KLHL14: variants seen among roughly 807,000 people sequenced by gnomAD.
The protein encoded by KLHL14 is kelch like family member 14, also known as kelch-like protein 14.
Under a neutral mutation model 64.3 loss-of-function variants are expected in KLHL14, and 22 were observed. The observed-to-expected ratio is 0.34, with a 90% CI of 0.24 to 0.49. The LOEUF (loss-of-function observed/expected upper bound fraction) is 0.49. Among genes scored for constraint, KLHL14 ranks in the 20% least tolerant of loss-of-function variants. The pLI, the probability that KLHL14 is intolerant of heterozygous loss-of-function variation, is 0.99. For synonymous variants in KLHL14, 322 were observed against 333.4 expected, an observed-to-expected ratio of 0.97 and a Z score of 0.37; for missense variants, 661 against 789.0, an observed-to-expected ratio of 0.84 and a Z score of 1.94.
intron 5 of KLHL14, among the ~76,000 whole-genome samples, chr18:32,684,160 TC>T (rs1176466526): frequency 6.6e-6 from 1 of 152,218 alleles, no homozygotes. Flanking sequence ...ATTTTTCCTC[TC>T]TTTACTGAAG....
At chr18:32,761,876 A>G (rs975117328) in intron 2 of KLHL14, among the ~76,000 whole-genome samples, 2 of 152,174 alleles carry the variant, frequency 1.3e-5, no homozygotes, top group African/African-American at 4.8e-5. Flanking sequence ...TTCCACTATC[A>G]GTGTGACACA....
In KLHL14 at chr18:32,770,862, C is replaced by G. The variant is rs1207896674; in HGVS notation, c.-43-228G>C. 2.1e-6 allele frequency: 1 copy of G among 469,520 alleles called. No individual in the cohort carries two copies. Among genetic ancestry groups the G allele is most frequent in the East Asian group, 3.6e-5 (1 of 27,522 alleles). 29.1% of individuals were successfully genotyped at this position (469,520 alleles called of 1,614,324 possible). ...AGGGCCCTGTCTGGGGTCCCGGCGC[C>G]GGTTCTGCGCCCTGCGGCTCCTCTC... On this transcript the variant is annotated intron_variant, in intron 1 of 8. Transcript: ENST00000359358. The surrounding 1 kb of genome is among the most constrained non-coding windows in gnomAD (Gnocchi z 6.7).
At position 32,686,487 on chromosome 18, in the gene KLHL14, C is replaced by T. The variant is rs572197377; in HGVS notation, c.1238+668G>A. On this transcript the variant is annotated intron_variant, in intron 5 of 8. Transcript: ENST00000359358. ...GACAAAATATATGTAAATATAGTAG[C>T]CATCTTGTCCTTTGGTAGCCAGGAG... Among the ~76,000 whole-genome samples, 24 of 152,126 alleles carry T rather than the reference C, an allele frequency of 1.6e-4. 1 individual carries two copies. The South Asian group carries it at 4.8e-3, about 30-fold the overall frequency.
intron 3 of KLHL14, among the ~76,000 whole-genome samples, chr18:32,716,048 C>T (rs1189050693): frequency 1.3e-5 from 2 of 152,120 alleles, no homozygotes; most frequent in Non-Finnish European, 2.9e-5. Flanking sequence ...TGTTCTCATT[C>T]TTTGAATTAC....
At position 32,680,695 on chromosome 18, in the gene KLHL14, G is replaced by T; in HGVS notation, c.1239-96C>A. The T allele has an allele frequency of 8.4e-7, 1 of 1,195,866 alleles. No individual in the cohort carries two copies. The highest frequency in any genetic ancestry group is 1.2e-6 in the Non-Finnish European group (1 of 864,576). The allele number at this position is 1,195,866 out of a possible 1,614,324, so 74.1% of individuals were successfully genotyped here. A position where few individuals can be genotyped will look rare whatever the true frequency, so the allele number is the denominator to read the frequency against. ...CACCACACAGCTAGTCAGGGAAAGG[G>T]GTGCATTCTGCTTCAGAAAGGGTTG... On this transcript the variant is annotated intron_variant, in intron 5 of 8. Coordinates refer to ENST00000359358, the MANE Select transcript of KLHL14 (RefSeq NM_020805.3). The surrounding 1 kb of genome is among the most constrained non-coding windows in gnomAD (Gnocchi z 4.8).
chr18:32,743,271 A>G (rs2050208273), intron 2 of KLHL14: 2 of 152,262 alleles, frequency 1.3e-5, no homozygotes, highest in South Asian at 4.1e-4. Context: ...GTGGCTCTGA[A>G]TCTATGATTA....
chr18:32,745,571 C>G (rs915415644), intron 2 of KLHL14: 10 of 152,074 alleles, frequency 6.6e-5, no homozygotes, highest in Non-Finnish European at 1.2e-4. Context: ...ATAAAGAAAC[C>G]TAATAGAGAT....
rs374486498 is a variant in KLHL14 at position 32,725,623 on chromosome 18, G to A, written c.1069+16305C>T. Reference sequence around the variant, plus strand: ...TGATTCAGTATTGTCCAGTGTCTGCGGAATGTGTCCTGTGAGCTAGGCATG... The same window carrying A: ...TGATTCAGTATTGTCCAGTGTCTGCAGAATGTGTCCTGTGAGCTAGGCATG... On this transcript the variant is annotated intron_variant, in intron 3 of 8. Transcript: ENST00000359358. Among the ~76,000 whole-genome samples the A allele has an allele frequency of 9.2e-5, 14 of 152,310 alleles. No individual in the cohort carries two copies. The East Asian group carries it at 9.6e-4, about 10-fold the overall frequency.
chr18:32,753,559 T>A (rs1335595118), intron 2 of KLHL14, among the ~76,000 whole-genome samples: 4 of 152,228 alleles, frequency 2.6e-5, no homozygotes, highest in Non-Finnish European at 4.4e-5. Flanking sequence ...TGGCTGGTGA[T>A]GGCAGGGGCA....
intron 3 of KLHL14, among the ~76,000 whole-genome samples, chr18:32,719,907 C>T (rs998074275): frequency 6.6e-6 from 1 of 152,168 alleles, no homozygotes; most frequent in Non-Finnish European, 1.5e-5. Context: ...GCAGCCTGTA[C>T]CTACTTCAAT....
chr18:32,684,245 T>C (rs1404913065), intron 5 of KLHL14, among the ~76,000 whole-genome samples: 1 of 152,242 alleles, frequency 6.6e-6, no homozygotes, highest in Non-Finnish European at 1.5e-5. Flanking sequence ...TCTGTTCATT[T>C]CTGTCAGTAA....
At chr18:32,674,934 A>T (rs889327604) in intron 8 of KLHL14, 137 bp from the exon 9 acceptor site, 2 of 573,014 alleles carry the variant, frequency 3.5e-6, no homozygotes, top group Non-Finnish European at 6.3e-6. Flanking sequence ...AAATGAAAGC[A>T]ATGGATTTTA....
chr18:32,765,234 A>C (rs536693799), intron 2 of KLHL14, among the ~76,000 whole-genome samples: 13 of 152,360 alleles, frequency 8.5e-5, no homozygotes, highest in African/African-American at 3.1e-4. Flanking sequence ...GTTGTAAATA[A>C]GGTAACACAT....
intron 2 of KLHL14, among the ~76,000 whole-genome samples, chr18:32,748,394 G>T (rs1478087141): frequency 6.7e-6 from 1 of 150,022 alleles, no homozygotes; most frequent in African/African-American, 2.5e-5. Flanking sequence ...TTTTGAGATG[G>T]AGTATCGCTC....
intron 3 of KLHL14, among the ~76,000 whole-genome samples, chr18:32,729,719 C>T (rs1253302520): frequency 6.6e-6 from 1 of 152,086 alleles, no homozygotes; most frequent in East Asian, 1.9e-4. Context: ...TTAGGATCCA[C>T]CCTAATCCAA....
At chr18:32,703,902 T>G (rs2049977859) in intron 3 of KLHL14, among the ~76,000 whole-genome samples, 1 of 152,126 alleles carries the variant, frequency 6.6e-6, no homozygotes. Flanking sequence ...AAAGGTTAGT[T>G]TTTTTTTCCT....
At chr18:32,768,255 A>G (rs2050357037) in intron 2 of KLHL14, among the ~76,000 whole-genome samples, 1 of 152,172 alleles carries the variant, frequency 6.6e-6, no homozygotes. Context: ...ATGAACTTAC[A>G]GGGTTTTGTT....
intron 2 of KLHL14, among the ~76,000 whole-genome samples, chr18:32,762,407 A>T (rs2050319178): frequency 2.0e-5 from 3 of 151,978 alleles, no homozygotes; most frequent in Admixed American, 2.0e-4. Context: ...TTTTTCAGAT[A>T]GTTCACATTC....
At chr18:32,766,567 TG>T (rs2050346446) in intron 2 of KLHL14, among the ~76,000 whole-genome samples, 2 of 152,146 alleles carry the variant, frequency 1.3e-5, no homozygotes, top group Non-Finnish European at 2.9e-5. Flanking sequence ...GTCACGTTGC[TG>T]GTGCAATAGA....
Sources: allele counts gnomAD v4.1 joint callset (sites outside exome capture counted in the v4.1 genomes callset), GRCh38; gene constraint gnomAD v4.1.1; non-coding constraint Gnocchi (gnomAD v3.1); transcripts MANE v1.5; gene names NCBI Gene and HGNC (gene_info 2026-07-23, HGNC 2026-07-21).